Variants in NCOA3 observed in about 807,000 individuals in gnomAD.
NCOA3 encodes the protein nuclear receptor coactivator 3, also known as CBP-interacting protein.
NCOA3 carries 51 observed loss-of-function variants against 158.8 expected under a neutral mutation model. That is an observed-to-expected ratio of 0.32 (90% CI 0.26 to 0.41). The LOEUF (loss-of-function observed/expected upper bound fraction) is 0.41. Among genes scored for constraint, NCOA3 ranks in the 10% least tolerant of loss-of-function variants. The pLI, the probability that NCOA3 is intolerant of heterozygous loss-of-function variation, is 1.00. For missense variants in NCOA3, 1,510 were observed against 1,746.6 expected, an observed-to-expected ratio of 0.86 and a Z score of 2.41; for synonymous variants, 537 against 592.4, an observed-to-expected ratio of 0.91 and a Z score of 1.36.
intron 17 of NCOA3, among the ~76,000 whole-genome samples, chr20:47,644,387 C>T (rs1602536626): frequency 6.6e-6 from 1 of 152,196 alleles, no homozygotes; most frequent in African/African-American, 2.4e-5. Flanking sequence ...GATCCACCCA[C>T]CTCAGCCTCC....
intron 2 of NCOA3, among the ~76,000 whole-genome samples, chr20:47,612,871 C>T (rs1361748793): frequency 2.0e-5 from 3 of 152,156 alleles, no homozygotes; most frequent in Non-Finnish European, 4.4e-5. Flanking sequence ...TGAACTTCAA[C>T]TCTGTTGCTC....
chr20:47,508,340 T>C (rs182370517), intron 1 of NCOA3, among the ~76,000 whole-genome samples: 1 of 152,274 alleles, frequency 6.6e-6, no homozygotes, highest in Admixed American at 6.5e-5. Context: ...AAATAGATGT[T>C]CCATGAAGGA....
At chr20:47,599,195 T>C (rs186003788) in intron 2 of NCOA3, among the ~76,000 whole-genome samples, 1 of 152,228 alleles carries the variant, frequency 6.6e-6, no homozygotes, top group African/African-American at 2.4e-5. Flanking sequence ...TGAACCGATA[T>C]GTGCTACAAT....
chr20:47,503,577 A>G lies in NCOA3; in HGVS notation c.-99+1558A>G, dbSNP rs78223258. Among the ~76,000 whole-genome samples the G allele has an allele frequency of 2.0e-5, 3 of 152,304 alleles. No homozygotes were observed. The East Asian group carries it at 5.8e-4, about 29-fold the overall frequency. On this transcript the variant is annotated intron_variant, in intron 1 of 22. Transcript: ENST00000371998. ...TTCTGTTGGATACCAAAAGCAGGGA[A>G]ATAAAATGAACAGAAGAAACAGAAA... is the stretch of plus-strand genomic sequence containing the variant.
chr20:47,613,661 C>T (rs762047923), intron 2 of NCOA3, among the ~76,000 whole-genome samples: 2 of 152,028 alleles, frequency 1.3e-5, no homozygotes, highest in African/African-American at 2.4e-5. Flanking sequence ...GCCTGTAATC[C>T]CAGCACTTTG....
At chr20:47,559,066 C>G (rs2085058841) in intron 1 of NCOA3, among the ~76,000 whole-genome samples, 1 of 152,124 alleles carries the variant, frequency 6.6e-6, no homozygotes, top group African/African-American at 2.4e-5. Context: ...CATCCATAAT[C>G]CTTCCCATAG....
At chr20:47,611,508 TCTC>T (rs1479601132) in intron 2 of NCOA3, among the ~76,000 whole-genome samples, 2 of 152,028 alleles carry the variant, frequency 1.3e-5, no homozygotes, top group African/African-American at 2.4e-5. Context: ...GTTTAAAAAA[TCTC>T]CTCCTCGGCC....
At chr20:47,610,764 T>G (rs974499074) in intron 2 of NCOA3, among the ~76,000 whole-genome samples, 1 of 152,222 alleles carries the variant, frequency 6.6e-6, no homozygotes, top group Non-Finnish European at 1.5e-5. Flanking sequence ...CAATATCTTT[T>G]CTTTGAAAAA....
chr20:47,632,771 C>T (rs2086442501), intron 8 of NCOA3, among the ~76,000 whole-genome samples: 2 of 151,698 alleles, frequency 1.3e-5, no homozygotes, highest in Admixed American at 1.3e-4. Context: ...CAACCTCCGC[C>T]TGCCAGGTTC....
At position 47,643,221 on chromosome 20, in the gene NCOA3, T is replaced by G. The variant is rs115176043; in HGVS notation, c.3252+837T>G. Among the ~76,000 whole-genome samples the G allele has an allele frequency of 4.2e-3, 647 of 152,330 alleles. 4 individuals carry two copies. Among genetic ancestry groups the G allele is most frequent in the African/African-American group, 0.014 (588 of 41,580 alleles). ...GAGCCACCGTGCCCAGCCATGACTGTTTTTATTTAAAGGCTATGGAGGGGC... is the reference window on the plus strand; with the variant it reads ...GAGCCACCGTGCCCAGCCATGACTGGTTTTATTTAAAGGCTATGGAGGGGC... On this transcript the variant is annotated intron_variant, in intron 17 of 22. Transcript: ENST00000371998.
chr20:47,639,774 C>G lies in NCOA3; in HGVS notation c.2905C>G (p.Pro969Ala). ...PTLPLRSNSI[P>A]GARPVLQQQQ... ...ATTGCCTCTTCGGTCTAATAGCATA[C>G]CAGGTGCGAGACCAGTATTGCAACA... The change falls in exon 15 of 23, where the codon CCA (proline) becomes GCA (alanine). Residue 969 changes from proline (P) to alanine (A), a missense_variant. This residue lies in a region of NCOA3 where 1,017 missense variants were observed against 1,098.3 expected (regional missense o/e 0.93). Transcript: ENST00000371998. The G allele has an allele frequency of 6.2e-7, 1 of 1,614,204 alleles. No homozygotes were observed. Among genetic ancestry groups the G allele is most frequent in the Admixed American group, 1.7e-5 (1 of 60,024 alleles).
At position 47,623,897 on chromosome 20, in the gene NCOA3, G is replaced by C; in HGVS notation, c.84-14G>C. On this transcript the variant is annotated splice_polypyrimidine_tract_variant and intron_variant, in intron 3 of 22. Coordinates refer to ENST00000371998, the MANE Select transcript of NCOA3 (RefSeq NM_181659.3). ...TATGTCTCCTTTCCCCCCTTTCTAC[G>C]CCTTTTCCCTTAGTCTTACCTGCAG... The C allele has an allele frequency of 6.2e-7, 1 of 1,602,240 alleles. No individual in the cohort carries two copies. Among genetic ancestry groups the C allele is most frequent in the South Asian group, 1.1e-5 (1 of 88,822 alleles).
At chr20:47,567,012 C>CTATGTACATATGTATGTATGTATG (rs904150545) in intron 1 of NCOA3, among the ~76,000 whole-genome samples, 6 of 145,346 alleles carry the variant, frequency 4.1e-5, no homozygotes, top group South Asian at 2.2e-4. Context: ...TGGTATAGTA[C>CTATGTACATATGTATGTATGTATG]TATGTATGTA....
At chr20:47,581,326 C>T (rs1179181576) in intron 1 of NCOA3, among the ~76,000 whole-genome samples, 1 of 151,994 alleles carries the variant, frequency 6.6e-6, no homozygotes, top group Non-Finnish European at 1.5e-5. Context: ...GGATAGTCAC[C>T]CGGCACTACC....
chr20:47,611,326 A>G (rs1303804503), intron 2 of NCOA3, among the ~76,000 whole-genome samples: 2 of 152,152 alleles, frequency 1.3e-5, no homozygotes, highest in East Asian at 3.8e-4. Flanking sequence ...TAGCATGGCT[A>G]AAACCCTTGG....
At chr20:47,639,385 C>A (rs1474731) in intron 14 of NCOA3, among the ~76,000 whole-genome samples, 183 bp downstream of exon 14, 1 of 152,148 alleles carries the variant, frequency 6.6e-6, no homozygotes, top group Non-Finnish European at 1.5e-5. Context: ...GTCTTTTGGT[C>A]TATGACATTT....
intron 2 of NCOA3, among the ~76,000 whole-genome samples, chr20:47,587,623 G>C (rs1483002989): frequency 6.6e-6 from 1 of 152,148 alleles, no homozygotes; most frequent in Non-Finnish European, 1.5e-5. Flanking sequence ...TTACTTATAA[G>C]AATCTAACAC....
chr20:47,632,042 A>G (rs1198062206), intron 8 of NCOA3, among the ~76,000 whole-genome samples: 1 of 152,230 alleles, frequency 6.6e-6, no homozygotes, highest in East Asian at 1.9e-4. Flanking sequence ...TTAAGGGTTC[A>G]GTCCCACAAG....
chr20:47,516,601 T>A (rs1041406534), intron 1 of NCOA3, among the ~76,000 whole-genome samples: 3 of 152,002 alleles, frequency 2.0e-5, no homozygotes, highest in Non-Finnish European at 2.9e-5. Flanking sequence ...GTTTCGAATT[T>A]TAGACAATAA....
Sources: gnomAD v4.1 joint callset for allele counts (sites outside exome capture counted in the v4.1 genomes callset) on GRCh38, gnomAD v4.1.1 for gene constraint, gnomAD v4.1.1 regional missense constraint, MANE v1.5 for transcripts, NCBI Gene and HGNC (gene_info 2026-07-23, HGNC 2026-07-21) for gene names.